CPNE4: variants seen among roughly 807,000 people sequenced by gnomAD.
The protein encoded by CPNE4 is copine-4.
CPNE4 carries 25 observed loss-of-function variants against 67.9 expected under a neutral mutation model. The ratio of observed to expected loss-of-function variants is 0.37; its 90% CI spans 0.27 to 0.51. The LOEUF is 0.51. Among genes scored for constraint, CPNE4 ranks in the 20% least tolerant of loss-of-function variants. The pLI, the probability that CPNE4 is intolerant of heterozygous loss-of-function variation, is 0.93. For missense variants in CPNE4, 464 were observed against 690.8 expected (o/e 0.67, Z 3.68); for synonymous variants, 242 against 244.9 (o/e 0.99, Z 0.11).
At chr3:131,681,090 C>T (rs527537987) in intron 6 of CPNE4, among the ~76,000 whole-genome samples, 54 of 152,248 alleles carry the variant, frequency 3.5e-4, no homozygotes, top group African/African-American at 1.2e-3. Context: ...GGGCTGTTTC[C>T]ATATTTTTGC....
At chr3:131,876,474 C>G (rs1391558006) in intron 2 of CPNE4, among the ~76,000 whole-genome samples, 1 of 150,980 alleles carries the variant, frequency 6.6e-6, no homozygotes, top group Non-Finnish European at 1.5e-5. Context: ...AACCCCATCT[C>G]TACTAAAAAT....
At chr3:131,569,684 AAGAAAGAAAGAAAGAG>A (rs1156856323) in intron 10 of CPNE4, among the ~76,000 whole-genome samples, 2 of 151,220 alleles carry the variant, frequency 1.3e-5, no homozygotes, top group Non-Finnish European at 3.0e-5. Context: ...AGAAGAAAGG[AAGAAAGAAAGAAAGAG>A]AGAAAGAAAG....
intron 2 of CPNE4, among the ~76,000 whole-genome samples, chr3:131,770,027 C>T (rs898942016): frequency 6.6e-6 from 1 of 152,082 alleles, no homozygotes; most frequent in African/African-American, 2.4e-5. Flanking sequence ...AAGCAAGAAC[C>T]TCAACCTTGA....
At chr3:131,770,889 G>A (rs1423419851) in intron 2 of CPNE4, among the ~76,000 whole-genome samples, 1 of 152,174 alleles carries the variant, frequency 6.6e-6, no homozygotes, top group African/African-American at 2.4e-5. Context: ...ATGTGCTAGA[G>A]TTGTGTGCCT....
At chr3:131,765,835 A>G (rs1287449237) in intron 2 of CPNE4, among the ~76,000 whole-genome samples, 6 of 152,128 alleles carry the variant, frequency 3.9e-5, no homozygotes, top group Non-Finnish European at 8.8e-5. Context: ...ATGATGAAGG[A>G]GGGCTGAAGA....
chr3:131,933,489 A>G (rs2107835777), intron 1 of CPNE4, among the ~76,000 whole-genome samples: 1 of 152,314 alleles, frequency 6.6e-6, no homozygotes, highest in Middle Eastern at 3.4e-3. Flanking sequence ...AAAGCCAAAA[A>G]TAAAATTACC....
At chr3:131,843,194 G>A (rs1289609751) in intron 2 of CPNE4, among the ~76,000 whole-genome samples, 7 of 152,120 alleles carry the variant, frequency 4.6e-5, no homozygotes, top group Admixed American at 2.0e-4. Flanking sequence ...TCTATACACC[G>A]TGCCGGATAT....
intron 1 of CPNE4, among the ~76,000 whole-genome samples, chr3:132,026,002 A>G (rs1224301309): frequency 6.6e-6 from 1 of 152,240 alleles, no homozygotes; most frequent in Admixed American, 6.5e-5. Context: ...ATGAAGTACA[A>G]TATATGTTGT....
chr3:131,634,223 C>T (rs898195054), intron 7 of CPNE4, among the ~76,000 whole-genome samples: 1 of 152,100 alleles, frequency 6.6e-6, no homozygotes, highest in Admixed American at 6.5e-5. Flanking sequence ...ACTTATCCTT[C>T]AGGTATTGGA....
chr3:131,801,446 GTGTGTGTATA>G (rs377224053), intron 2 of CPNE4, among the ~76,000 whole-genome samples: 9,944 of 84,768 alleles, frequency 0.12, 656 homozygotes, highest in Middle Eastern at 0.17. Context: ...GTGTGTGTGT[GTGTGTGTATA>G]TATATATATA....
intron 1 of CPNE4, among the ~76,000 whole-genome samples, chr3:131,970,302 G>C (rs888551461): frequency 2.0e-5 from 3 of 152,196 alleles, no homozygotes; most frequent in African/African-American, 7.2e-5. Flanking sequence ...TGTAGCCAAA[G>C]CAAGACATGA....
At chr3:131,982,191 A>G (rs2072925153) in intron 1 of CPNE4, among the ~76,000 whole-genome samples, 1 of 152,152 alleles carries the variant, frequency 6.6e-6, no homozygotes, top group African/African-American at 2.4e-5. Flanking sequence ...GCTTGACTTC[A>G]TTTATCAAGA....
intron 7 of CPNE4, among the ~76,000 whole-genome samples, chr3:131,610,045 A>C (rs1015950303): frequency 6.6e-6 from 1 of 152,158 alleles, no homozygotes; most frequent in Non-Finnish European, 1.5e-5. Flanking sequence ...TTTTTGTTTG[A>C]GTGTGTAATG....
chr3:131,556,723 C>T (rs1936475474), intron 11 of CPNE4, among the ~76,000 whole-genome samples: 1 of 152,056 alleles, frequency 6.6e-6, no homozygotes, highest in African/African-American at 2.4e-5. Context: ...GAGAGAATCA[C>T]TTACATATCC....
At chr3:131,552,528 G>A (rs1354968368) in intron 12 of CPNE4, 37 bp from the exon 13 acceptor site, 1 of 1,571,278 alleles carries the variant, frequency 6.4e-7, no homozygotes, top group Non-Finnish European at 8.7e-7. Flanking sequence ...CAGGAAGAAA[G>A]AAGAATTACA....
intron 2 of CPNE4, among the ~76,000 whole-genome samples, chr3:131,851,563 A>G (rs1478415908): frequency 6.6e-6 from 1 of 152,102 alleles, no homozygotes. Flanking sequence ...AGACCGGTGT[A>G]ACAAATTTTA....
chr3:131,774,551 C>T (rs1357999153), intron 2 of CPNE4, among the ~76,000 whole-genome samples: 2 of 152,042 alleles, frequency 1.3e-5, no homozygotes, highest in Non-Finnish European at 2.9e-5. Context: ...TACTTGCAAT[C>T]AAAAGCATTC....
chr3:131,668,332 T>G (rs540468622), intron 7 of CPNE4, among the ~76,000 whole-genome samples: 76 of 152,320 alleles, frequency 5.0e-4, no homozygotes, highest in Admixed American at 1.6e-3. Flanking sequence ...GAGGAAAATG[T>G]AAAACTACTA....
At chr3:131,974,344 G>A (rs550775052) in intron 1 of CPNE4, among the ~76,000 whole-genome samples, 70 of 152,108 alleles carry the variant, frequency 4.6e-4, no homozygotes, top group African/African-American at 1.4e-3. Flanking sequence ...GTGCATGTAT[G>A]TATATACGCA....
Sources: gnomAD v4.1 joint callset for allele counts (sites outside exome capture counted in the v4.1 genomes callset) on GRCh38, gnomAD v4.1.1 for gene constraint, MANE v1.5 for transcripts, NCBI Gene and HGNC (gene_info 2026-07-23, HGNC 2026-07-21) for gene names.